AHCTF1: variants seen among roughly 807,000 people sequenced by gnomAD.
The protein encoded by AHCTF1 is protein ELYS.
A neutral mutation model predicts 248.4 loss-of-function variants in AHCTF1; 24 were observed. The observed-to-expected ratio is 0.10, with a 90% confidence interval of 0.07 to 0.14. AHCTF1 has a LOEUF of 0.14. Among genes scored for constraint, AHCTF1 ranks in the 10% least tolerant of loss-of-function variants. The pLI is 1.00. For synonymous variants in AHCTF1, 786 were observed against 929.8 expected, an observed-to-expected ratio of 0.85 and a Z score of 2.81; for missense variants, 2,206 against 2,636.2, an observed-to-expected ratio of 0.84 and a Z score of 3.57.
intron 7 of AHCTF1, 48 bp downstream of exon 7, chr1:246,903,901 G>A (rs1572443768): frequency 7.2e-6 from 9 of 1,245,288 alleles, no homozygotes; most frequent in Admixed American, 2.0e-5. Flanking sequence ...ATTTAAAATA[G>A]AAAACAACAA....
chr1:246,850,931 G>A lies in AHCTF1; in HGVS notation c.5075C>T (p.Ser1692Phe), dbSNP rs747275720. 9 of 1,613,946 alleles carry A rather than the reference G, an allele frequency of 5.6e-6. No homozygotes were observed. Among genetic ancestry groups the A allele is most frequent in the Non-Finnish European group, 2.5e-6 (3 of 1,179,864 alleles). ...CACTAAAGGTATTGTTTCATGAATGGACTGTTCCATTGTATCTGAAGTAAT... is the reference window on the plus strand; with the variant it reads ...CACTAAAGGTATTGTTTCATGAATGAACTGTTCCATTGTATCTGAAGTAAT... ...KEITSDTMEQ[S>F]IHETIPLVSQ... is the part of the protein sequence containing the mutation. The change falls in exon 33 of 36, where the codon TCC (serine) becomes TTC (phenylalanine). Residue 1692 changes from serine (S) to phenylalanine (F), a missense_variant. Around this residue, in one of 6 missense-constraint regions of AHCTF1, gnomAD observed 955 missense variants for 1,055.6 expected, o/e 0.90. Transcript: ENST00000648844.
chr1:246,892,301 C>CTTTTTTTTTTTTTTT (rs74163502), intron 14 of AHCTF1, among the ~76,000 whole-genome samples: 2 of 64,974 alleles, frequency 3.1e-5, no homozygotes, highest in African/African-American at 6.3e-5. Flanking sequence ...ATTTGTTTTA[C>CTTTTTTTTTTTTTTT]TTTTTTTTTT....
At chr1:246,885,231 G>C (rs1007492697) in intron 21 of AHCTF1, among the ~76,000 whole-genome samples, 1 of 152,148 alleles carries the variant, frequency 6.6e-6, no homozygotes, top group Non-Finnish European at 1.5e-5. Context: ...GGATCCCCAT[G>C]GATACCAAAA....
intron 11 of AHCTF1, among the ~76,000 whole-genome samples, chr1:246,898,716 A>G (rs1169093272): frequency 6.6e-6 from 1 of 152,130 alleles, no homozygotes; most frequent in Admixed American, 6.5e-5. Flanking sequence ...GAGATTTGAT[A>G]TTAAGTATAA....
chr1:246,847,080 C>T (rs1383722668), intron 33 of AHCTF1, among the ~76,000 whole-genome samples: 5 of 152,044 alleles, frequency 3.3e-5, no homozygotes, highest in African/African-American at 1.2e-4. Context: ...TGAGGTCAGG[C>T]GTTTGAGACT....
At chr1:246,895,811 T>C (rs1248426313) in intron 13 of AHCTF1, 24 bp downstream of exon 13, 9 of 1,556,466 alleles carry the variant, frequency 5.8e-6, no homozygotes, top group Middle Eastern at 1.7e-4. Context: ...ATACCAAACA[T>C]TTTACTTGTT....
At chr1:246,907,873 T>C (rs1331204940) in intron 4 of AHCTF1, 115 bp from the exon 5 acceptor site, 2 of 885,382 alleles carry the variant, frequency 2.3e-6, no homozygotes, top group African/African-American at 1.7e-5. Context: ...TGAAGTTAAT[T>C]GAAATTAAAA....
chr1:246,855,448 C>T (rs1160170532), intron 31 of AHCTF1, among the ~76,000 whole-genome samples: 1 of 152,216 alleles, frequency 6.6e-6, no homozygotes, highest in African/African-American at 2.4e-5. Flanking sequence ...AATAACTCTT[C>T]TGAGTCCAAG....
intron 21 of AHCTF1, among the ~76,000 whole-genome samples, chr1:246,882,472 A>T (rs1004347954): frequency 1.3e-5 from 2 of 152,094 alleles, no homozygotes; most frequent in African/African-American, 4.8e-5. Flanking sequence ...CCGTAATGAA[A>T]ATTTAAAGAT....
chr1:246,899,573 A>C, intron 10 of AHCTF1, 61 bp from the exon 11 acceptor site: 1 of 1,317,566 alleles, frequency 7.6e-7, no homozygotes. Flanking sequence ...TTAATAGAAC[A>C]AAATTTATCC....
In AHCTF1 at chr1:246,925,553, T is replaced by C. The variant is rs548298681; in HGVS notation, c.-8+6025A>G. The stretch of plus-strand genomic sequence containing the variant: ...AAGGATCTCTTAAGACCAGGAGTTG[T>C]AGGTTGCAGTAAGCTATGATCAGGC... On this transcript the variant is annotated intron_variant, in intron 1 of 35. Transcript: ENST00000648844. 1.4e-3 allele frequency among the ~76,000 whole-genome samples: 206 copies of C among 152,262 alleles called. 1 individual carries two copies. Among genetic ancestry groups the C allele is most frequent in the African/African-American group, 4.8e-3 (199 of 41,562 alleles).
intron 14 of AHCTF1, 28 bp from the exon 15 acceptor site, chr1:246,891,947 T>G: frequency 6.4e-7 from 1 of 1,563,894 alleles, no homozygotes; most frequent in South Asian, 1.2e-5. Flanking sequence ...AAAGATAAGT[T>G]TCCATACAGT....
rs145003209 is a variant in AHCTF1 at position 246,908,840 on chromosome 1, G to A, written c.557-1082C>T. On this transcript the variant is annotated intron_variant, in intron 4 of 35. Coordinates refer to ENST00000648844, the MANE Select transcript of AHCTF1 (RefSeq NM_001323342.2). ...GTGAATCCGGGAGGCAGAGCTTGCC[G>A]TGAGCCAAGATTGAGCCACTGCACC... Among the ~76,000 whole-genome samples the A allele has an allele frequency of 8.5e-3, 1,277 of 150,956 alleles. 20 individuals carry two copies. Among genetic ancestry groups the A allele is most frequent in the African/African-American group, 0.03 (1,232 of 41,118 alleles).
chr1:246,840,613 A>G lies in AHCTF1; in HGVS notation c.*193T>C, dbSNP rs1659789833. ...ACATATATAAATGTATGAAGTCTTAATATAAAATAGAAAAATTGCCTGGAC... is the reference window on the plus strand; with the variant it reads ...ACATATATAAATGTATGAAGTCTTAGTATAAAATAGAAAAATTGCCTGGAC... On this transcript the variant is annotated 3_prime_UTR_variant, in exon 36 of 36. Coordinates refer to ENST00000648844, the MANE Select transcript of AHCTF1 (RefSeq NM_001323342.2). The G allele has an allele frequency of 5.6e-6, 2 of 355,568 alleles. No individual in the cohort carries two copies. Among genetic ancestry groups the G allele is most frequent in the Admixed American group, 4.6e-5 (1 of 21,750 alleles). The allele number at this position is 355,568 out of a possible 1,614,324, so 22.0% of individuals were successfully genotyped here.
chr1:246,876,856 G>A (rs1663005812), intron 23 of AHCTF1, 94 bp downstream of exon 23: 15 of 1,444,040 alleles, frequency 1.0e-5, no homozygotes, highest in Non-Finnish European at 1.4e-5. Context: ...TAGGCACAGT[G>A]GTTACCAAAC....
At chr1:246,885,187 G>T (rs1441141560) in intron 21 of AHCTF1, among the ~76,000 whole-genome samples, 1 of 152,160 alleles carries the variant, frequency 6.6e-6, no homozygotes, top group African/African-American at 2.4e-5. Context: ...ATATTATACA[G>T]TTGTCCCTCA....
chr1:246,842,699 T>TG lies in AHCTF1; in HGVS notation c.6602dup (p.Ser2202LysfsTer25). 1 of 1,613,230 alleles carries TG rather than the reference T, an allele frequency of 6.2e-7. No homozygotes were observed. Among genetic ancestry groups the TG allele is most frequent in the East Asian group, 2.2e-5 (1 of 44,872 alleles). ...AACAGAACAGAAAGTCATACTTGCT[T>TG]GCTTGTTTTGTTTTTGACGTCCTGA... On this transcript the variant is annotated frameshift_variant, in exon 35 of 36. Transcript: ENST00000648844. LOFTEE classifies it high-confidence loss of function.
chr1:246,895,769 AT>A (rs879305276), intron 13 of AHCTF1, 65 bp downstream of exon 13: 5 of 1,324,354 alleles, frequency 3.8e-6, no homozygotes, highest in South Asian at 2.6e-5. Context: ...TAAGAAAAAA[AT>A]ATAACAAATA....
chr1:246,859,313 T>C (rs1661347351), intron 29 of AHCTF1, among the ~76,000 whole-genome samples: 1 of 152,134 alleles, frequency 6.6e-6, no homozygotes, highest in Non-Finnish European at 1.5e-5. Flanking sequence ...GTAAGAAACA[T>C]ACAAATAGGT....
Sources: gnomAD v4.1 joint callset for allele counts (sites outside exome capture counted in the v4.1 genomes callset) on GRCh38, gnomAD v4.1.1 for gene constraint, gnomAD v4.1.1 regional missense constraint, MANE v1.5 for transcripts, NCBI Gene and HGNC (gene_info 2026-07-23, HGNC 2026-07-21) for gene names.